RPS6KA2: variants seen among roughly 807,000 people sequenced by gnomAD.
The protein encoded by RPS6KA2 is ribosomal protein S6 kinase A2.
RPS6KA2 carries 42 observed loss-of-function variants against 91.8 expected under a neutral mutation model. That is an observed-to-expected ratio of 0.46 (90% CI 0.36 to 0.59). The LOEUF (loss-of-function observed/expected upper bound fraction) is 0.59, where lower values mean the gene tolerates loss of function less well. Ranked by LOEUF, RPS6KA2 falls within the 20% of genes least tolerant of loss-of-function variation. The pLI is 0.00. For synonymous variants in RPS6KA2, 414 were observed against 393.6 expected (o/e 1.05, Z -0.61); for missense variants, 798 against 978.5 (o/e 0.82, Z 2.46).
intron 2 of RPS6KA2, among the ~76,000 whole-genome samples, chr6:166,814,475 T>G (rs1278198849): frequency 2.0e-5 from 3 of 152,250 alleles, no homozygotes; most frequent in Admixed American, 1.3e-4. Context: ...GCCCGTGGCC[T>G]GTTAGGAACC....
At chr6:166,568,580 C>T (rs1784576674) in intron 1 of RPS6KA2, among the ~76,000 whole-genome samples, 4 of 130,314 alleles carry the variant, frequency 3.1e-5, no homozygotes, top group South Asian at 2.4e-4. Flanking sequence ...ATTGCGCCAT[C>T]GCACTCTAAG....
intron 1 of RPS6KA2, among the ~76,000 whole-genome samples, chr6:166,624,632 A>G (rs1786769257): frequency 6.6e-6 from 1 of 152,164 alleles, no homozygotes; most frequent in Admixed American, 6.5e-5. Flanking sequence ...GTATCCAGAA[A>G]AAGACCAGCC....
At chr6:166,843,840 G>T (rs940764659) in intron 2 of RPS6KA2, among the ~76,000 whole-genome samples, 1 of 152,010 alleles carries the variant, frequency 6.6e-6, no homozygotes, top group Admixed American at 6.5e-5. Flanking sequence ...AAACAATTCT[G>T]GTAATATGAC....
chr6:166,596,640 G>C (rs1054960868), intron 1 of RPS6KA2, among the ~76,000 whole-genome samples: 1 of 152,154 alleles, frequency 6.6e-6, no homozygotes, highest in African/African-American at 2.4e-5. Context: ...GAGGTTTTGG[G>C]ACTCAGACTG....
At chr6:166,828,593 C>T (rs1238013796) in intron 2 of RPS6KA2, among the ~76,000 whole-genome samples, 2 of 152,178 alleles carry the variant, frequency 1.3e-5, no homozygotes, top group Non-Finnish European at 2.9e-5. Context: ...ATCACTGACT[C>T]ATCAAATTGT....
At position 166,767,907 on chromosome 6, in the gene RPS6KA2, G is replaced by C. The variant is rs979052897; in HGVS notation, c.123+90293C>G. 6.6e-6 allele frequency among the ~76,000 whole-genome samples: 1 copy of C among 152,092 alleles called. No individual in the cohort carries two copies. The highest frequency in any genetic ancestry group is 2.4e-5 in the African/African-American group (1 of 41,402). ...TCTCACTGTTTGGGTGCAAACCTTG[G>C]GGGTTTTATTTTTCCACGACTGTGG... On this transcript the variant is annotated intron_variant, in intron 2 of 21. Transcript: ENST00000503859. The surrounding 1 kb of genome is among the most constrained non-coding windows in gnomAD (Gnocchi z 4.6).
At chr6:166,817,998 T>C (rs1779813716) in intron 2 of RPS6KA2, among the ~76,000 whole-genome samples, 2 of 152,082 alleles carry the variant, frequency 1.3e-5, no homozygotes, top group South Asian at 4.1e-4. Flanking sequence ...GATAACATTA[T>C]AGGTGTGAGC....
At position 166,445,700 on chromosome 6, in the gene RPS6KA2, G is replaced by T. The variant is rs1225447118; in HGVS notation, c.1332+3024C>A. Among the ~76,000 whole-genome samples, 2 of 152,088 alleles carry T rather than the reference G, an allele frequency of 1.3e-5. No individual in the cohort carries two copies. The highest frequency in any genetic ancestry group is 2.4e-5 in the African/African-American group (1 of 41,418). ...TCATTACTCGGTGGGGACATTTCTGGGTCATCCCTGCCATTGAATGGGAGG... is the reference window on the plus strand; with the variant it reads ...TCATTACTCGGTGGGGACATTTCTGTGTCATCCCTGCCATTGAATGGGAGG... On this transcript the variant is annotated intron_variant, in intron 14 of 20. Transcript: ENST00000265678. This position sits in a 1 kb window ranked among gnomAD's most constrained non-coding sequence, Gnocchi z 4.5.
intron 10 of RPS6KA2, among the ~76,000 whole-genome samples, chr6:166,474,616 G>C (rs553328179): frequency 4.1e-5 from 4 of 96,694 alleles, no homozygotes; most frequent in Non-Finnish European, 5.3e-5. Context: ...TCCTGTCCTG[G>C]GGGGGAAGTC....
At position 166,825,780 on chromosome 6, in the gene RPS6KA2, A is replaced by G. The variant is rs1436620715; in HGVS notation, c.123+32420T>C. On this transcript the variant is annotated intron_variant, in intron 2 of 21. Coordinates refer to the RPS6KA2 transcript ENST00000503859. The surrounding 1 kb of genome is among the most constrained non-coding windows in gnomAD (Gnocchi z 4.1). The stretch of plus-strand genomic sequence containing the variant: ...AATGAGGCTCCACCCTCATGAACCC[A>G]TCATCTCCCGAGGCCCCACCTCCCA... 6.6e-6 allele frequency among the ~76,000 whole-genome samples: 1 copy of G among 152,154 alleles called. No individual in the cohort carries two copies. Among genetic ancestry groups the G allele is most frequent in the Non-Finnish European group, 1.5e-5 (1 of 68,022 alleles).
In RPS6KA2 at chr6:166,825,064, G is replaced by A. The variant is rs1268599322; in HGVS notation, c.123+33136C>T. On this transcript the variant is annotated intron_variant, in intron 2 of 21. Transcript: ENST00000503859. The surrounding 1 kb of genome is among the most constrained non-coding windows in gnomAD (Gnocchi z 4.1). Reference sequence around the variant, plus strand: ...CTGCCTCCACCCACACAGCAGTGCTGCAGAGCGCTGTTCTTCCACGAGGGA... The same window carrying A: ...CTGCCTCCACCCACACAGCAGTGCTACAGAGCGCTGTTCTTCCACGAGGGA... Among the ~76,000 whole-genome samples the A allele has an allele frequency of 1.3e-5, 2 of 152,370 alleles. No homozygotes were observed. The highest frequency in any genetic ancestry group is 3.9e-4 in the East Asian group (2 of 5,186).
In RPS6KA2 at chr6:166,710,889, A is replaced by G. The variant is rs538359684; in HGVS notation, c.123+147311T>C. Among the ~76,000 whole-genome samples, 5 of 152,302 alleles carry G rather than the reference A, an allele frequency of 3.3e-5. No individual in the cohort carries two copies. The East Asian group carries it at 9.6e-4, about 29-fold the overall frequency. ...GCAGGCACAGACAAAATAAAATCCC[A>G]ACAAAAGCCTCTAGCCACAGGACCA... On this transcript the variant is annotated intron_variant, in intron 2 of 21. Transcript: ENST00000503859.
chr6:166,817,523 T>A (rs532128538), intron 2 of RPS6KA2, among the ~76,000 whole-genome samples: 2 of 152,320 alleles, frequency 1.3e-5, no homozygotes, highest in East Asian at 3.9e-4. Flanking sequence ...TCTGCTGAGA[T>A]TCTACATGCA....
At chr6:166,755,631 G>A (rs766338042) in intron 2 of RPS6KA2, among the ~76,000 whole-genome samples, 22 of 152,238 alleles carry the variant, frequency 1.4e-4, no homozygotes, top group Non-Finnish European at 1.9e-4. Context: ...GCTGCGCTCC[G>A]GCCCAGCTTC....
At position 166,493,761 on chromosome 6, in the gene RPS6KA2, G is replaced by A. The variant is rs765972175; in HGVS notation, c.748-3020C>T. Reference sequence around the variant, plus strand: ...GGGGACATTTCCGGCTGTCATGCCCGGGAGCCCTGGTGCTACAGGCGTCCA... The same window carrying A: ...GGGGACATTTCCGGCTGTCATGCCCAGGAGCCCTGGTGCTACAGGCGTCCA... On this transcript the variant is annotated intron_variant, in intron 8 of 20. Coordinates refer to ENST00000265678, the MANE Select transcript of RPS6KA2 (RefSeq NM_021135.6). This position sits in a 1 kb window ranked among gnomAD's most constrained non-coding sequence, Gnocchi z 4.7. Among the ~76,000 whole-genome samples, 7 of 152,186 alleles carry A rather than the reference G, an allele frequency of 4.6e-5. No individual in the cohort carries two copies. The highest frequency in any genetic ancestry group is 1.0e-4 in the Non-Finnish European group (7 of 68,028).
At chr6:166,613,004 G>A (rs1786243004) in intron 1 of RPS6KA2, among the ~76,000 whole-genome samples, 1 of 152,206 alleles carries the variant, frequency 6.6e-6, no homozygotes, top group Non-Finnish European at 1.5e-5. Flanking sequence ...AGAGAAAGCT[G>A]ACCCAGAGGA....
At chr6:166,479,358 C>T (rs1288552565) in intron 10 of RPS6KA2, among the ~76,000 whole-genome samples, 2 of 152,276 alleles carry the variant, frequency 1.3e-5, no homozygotes, top group African/African-American at 4.8e-5. Context: ...AAAGGGGCAG[C>T]AGGCGATGCT....
intron 1 of RPS6KA2, among the ~76,000 whole-genome samples, chr6:166,545,574 TTC>T (rs1491589190): frequency 2.0e-5 from 3 of 152,168 alleles, no homozygotes; most frequent in Non-Finnish European, 4.4e-5. Flanking sequence ...CTCCTTTTTT[TTC>T]TCTTTCTATC....
rs1583000515 is a variant in RPS6KA2 at position 166,666,326 on chromosome 6, C to T, written c.124-127542G>A. Among the ~76,000 whole-genome samples, 1 of 152,158 alleles carries T rather than the reference C, an allele frequency of 6.6e-6. No individual in the cohort carries two copies. Among genetic ancestry groups the T allele is most frequent in the Non-Finnish European group, 1.5e-5 (1 of 68,032 alleles). Reference sequence around the variant, plus strand: ...TGTGTAAACCCATCCATCTTCCTAGCGCATCAATAATAATGTTCCACTAGC... The same window carrying T: ...TGTGTAAACCCATCCATCTTCCTAGTGCATCAATAATAATGTTCCACTAGC... On this transcript the variant is annotated intron_variant, in intron 2 of 21. Coordinates refer to the RPS6KA2 transcript ENST00000503859. This position sits in a 1 kb window ranked among gnomAD's most constrained non-coding sequence, Gnocchi z 4.0.
Sources: allele counts gnomAD v4.1 joint callset (sites outside exome capture counted in the v4.1 genomes callset), GRCh38; gene constraint gnomAD v4.1.1; non-coding constraint Gnocchi (gnomAD v3.1); transcripts MANE v1.5; gene names NCBI Gene and HGNC (gene_info 2026-07-23, HGNC 2026-07-21).